The following DNAH14 variants were observed in gnomAD, a reference collection of about 807,000 sequenced individuals.
DNAH14 encodes the protein dynein axonemal heavy chain 14.
In DNAH14, 478 loss-of-function variants were observed where a neutral mutation model predicts 520.9. That is an observed-to-expected ratio of 0.92 (90% CI 0.85 to 0.99). The LOEUF is 0.99. Ranked by LOEUF, DNAH14 falls within the 50% of genes least tolerant of loss-of-function variation. The probability of loss-of-function intolerance (pLI) is 0.00; values close to 1 mark genes in which losing one functional copy is unlikely to be tolerated. For synonymous variants in DNAH14, 1,581 were observed against 1,757.2 expected, an observed-to-expected ratio of 0.90 and a Z score of 2.51; for missense variants, 4,831 against 5,234.5, an observed-to-expected ratio of 0.92 and a Z score of 2.38.
At chr1:225,342,076 G>T (rs1458927036) in intron 69 of DNAH14, among the ~76,000 whole-genome samples, 2 of 152,114 alleles carry the variant, frequency 1.3e-5, no homozygotes, top group South Asian at 4.1e-4. Context: ...CAATTATAAT[G>T]TCCACTTCTG....
At chr1:225,020,692 C>A (rs980647374) in intron 10 of DNAH14, among the ~76,000 whole-genome samples, 1 of 151,906 alleles carries the variant, frequency 6.6e-6, no homozygotes, top group African/African-American at 2.4e-5. Context: ...CACCTAAAAA[C>A]CAATAACAGC....
At chr1:225,050,766 G>A (rs10495230) in intron 16 of DNAH14, among the ~76,000 whole-genome samples, 8,392 of 152,234 alleles carry the variant, frequency 0.055, 471 homozygotes, top group East Asian at 0.24. Context: ...ATTGGGTGAG[G>A]TCACATACTA....
At chr1:225,224,510 G>A (rs2149526483) in intron 41 of DNAH14, among the ~76,000 whole-genome samples, 1 of 139,580 alleles carries the variant, frequency 7.2e-6, no homozygotes, top group South Asian at 2.4e-4. Context: ...TTATGACCCT[G>A]ATGTCATCAG....
intron 63 of DNAH14, 126 bp from the exon 64 acceptor site, chr1:225,324,611 T>G: frequency 2.1e-6 from 2 of 960,124 alleles, no homozygotes; most frequent in South Asian, 3.4e-5. Flanking sequence ...ACCCCACATA[T>G]ACATATAGTT....
At position 225,308,406 on chromosome 1, in the gene DNAH14, C is replaced by G; in HGVS notation, c.9236C>G (p.Ala3079Gly). ...AEEVRIVEDY[A>G]QKTANELKSV... ...GAAGTAAGAATTGTGGAAGATTATG[C>G]TCAGGTAAAATTAAAATATTGTCAA... is the stretch of plus-strand genomic sequence containing the variant. Residue 3079 changes from alanine (A) to glycine (G), a missense_variant, in exon 60 of 86, where the codon GCT (alanine) becomes GGT (glycine). By Grantham distance (60) the Ala-to-Gly change is moderately conservative (BLOSUM62 0). Coordinates refer to ENST00000682510, the MANE Select transcript of DNAH14 (RefSeq NM_001367479.1). 1 of 1,516,060 alleles carries G rather than the reference C, an allele frequency of 6.6e-7. No homozygotes were observed. The highest frequency in any genetic ancestry group is 8.8e-7 in the Non-Finnish European group (1 of 1,137,170). 93.9% of individuals were successfully genotyped at this position (1,516,060 alleles called of 1,614,324 possible).
chr1:225,235,578 C>T (rs1313161510), intron 42 of DNAH14, among the ~76,000 whole-genome samples: 2 of 152,148 alleles, frequency 1.3e-5, no homozygotes, highest in Non-Finnish European at 2.9e-5. Flanking sequence ...AGGAGTCCCT[C>T]ATTTTCAATT....
At chr1:225,309,291 T>C (rs2094309148) in intron 60 of DNAH14, among the ~76,000 whole-genome samples, 2 of 152,220 alleles carry the variant, frequency 1.3e-5, no homozygotes, top group South Asian at 4.1e-4. Flanking sequence ...TATTCACTTG[T>C]GCTTCCATTA....
At chr1:225,021,533 A>C (rs1338446653) in intron 10 of DNAH14, among the ~76,000 whole-genome samples, 1 of 152,166 alleles carries the variant, frequency 6.6e-6, no homozygotes, top group Admixed American at 6.6e-5. Flanking sequence ...TGCCATTCAC[A>C]ATAGCCACAA....
At chr1:225,327,102 A>G (rs1220841218) in intron 64 of DNAH14, among the ~76,000 whole-genome samples, 1 of 152,152 alleles carries the variant, frequency 6.6e-6, no homozygotes, top group Non-Finnish European at 1.5e-5. Context: ...ATTTTAAAAG[A>G]CATATACCAT....
intron 27 of DNAH14, among the ~76,000 whole-genome samples, chr1:225,137,716 C>G (rs2079078671): frequency 6.6e-6 from 1 of 152,106 alleles, no homozygotes; most frequent in South Asian, 2.1e-4. Context: ...CTAGGGCCCC[C>G]CAGTGGAAGA....
chr1:225,368,686 A>G (rs759174532), intron 77 of DNAH14, among the ~76,000 whole-genome samples: 26 of 152,100 alleles, frequency 1.7e-4, no homozygotes, highest in Non-Finnish European at 2.9e-4. Context: ...ATTCATTTAT[A>G]TAATACAACA....
At chr1:224,997,275 C>T (rs2063456203) in intron 8 of DNAH14, among the ~76,000 whole-genome samples, 1 of 152,062 alleles carries the variant, frequency 6.6e-6, no homozygotes. Context: ...TATCAGAATG[C>T]CAGGGAAACT....
chr1:225,013,040 G>A (rs2064921954), intron 10 of DNAH14, among the ~76,000 whole-genome samples: 1 of 152,148 alleles, frequency 6.6e-6, no homozygotes, highest in Non-Finnish European at 1.5e-5. Context: ...AGGAGAAGAG[G>A]CCTTCTGGTT....
chr1:225,364,919 A>C (rs2095534540), intron 76 of DNAH14, 25 bp downstream of exon 76: 1 of 1,494,644 alleles, frequency 6.7e-7, no homozygotes, highest in Non-Finnish European at 9.0e-7. Context: ...TAACAGATTT[A>C]ATGTTGACTG....
chr1:225,305,849 G>A (rs1043722151), intron 58 of DNAH14, among the ~76,000 whole-genome samples: 2 of 152,226 alleles, frequency 1.3e-5, no homozygotes, highest in African/African-American at 4.8e-5. Flanking sequence ...ATCAGATACT[G>A]TAACTAATTA....
Position 225,259,109 on chromosome 1 carries a change from T to G in DNAH14, c.7025-12T>G. The G allele has an allele frequency of 6.5e-7, 1 of 1,537,936 alleles. No homozygotes were observed. Among genetic ancestry groups the G allele is most frequent in the Non-Finnish European group, 8.7e-7 (1 of 1,143,190 alleles). ...TGCATATACATCTAACCTTGTGTAT[T>G]TTTTCCCTTAGGAGAATCTGGTGTT... On this transcript the variant is annotated splice_polypyrimidine_tract_variant and intron_variant, in intron 45 of 85. Coordinates refer to ENST00000682510, the MANE Select transcript of DNAH14 (RefSeq NM_001367479.1).
chr1:225,343,765 A>C (rs1558468143), intron 69 of DNAH14, among the ~76,000 whole-genome samples: 1 of 146,956 alleles, frequency 6.8e-6, no homozygotes, highest in African/African-American at 2.6e-5. Flanking sequence ...AAGGCTAATT[A>C]CATGGACAAG....
At chr1:225,349,855 G>T (rs1233058606) in intron 71 of DNAH14, among the ~76,000 whole-genome samples, 2 of 152,184 alleles carry the variant, frequency 1.3e-5, no homozygotes, top group East Asian at 3.9e-4. Flanking sequence ...AATAGTAGGA[G>T]ACTTCAGTAC....
At chr1:225,394,382 A>T (rs149025648) in intron 84 of DNAH14, among the ~76,000 whole-genome samples, 324 of 152,256 alleles carry the variant, frequency 2.1e-3, no homozygotes, top group Non-Finnish European at 3.6e-3. Flanking sequence ...ATGAACAAAA[A>T]TTTTTTTGTT....
Sources: allele counts gnomAD v4.1 joint callset (sites outside exome capture counted in the v4.1 genomes callset), GRCh38; gene constraint gnomAD v4.1.1; transcripts MANE v1.5; gene names NCBI Gene and HGNC (gene_info 2026-07-23, HGNC 2026-07-21).